Variants in SYNE1 observed in about 807,000 individuals in gnomAD.
The protein encoded by SYNE1 is nesprin-1.
In SYNE1, 616 loss-of-function variants were observed where a neutral mutation model predicts 1,111.0. The observed-to-expected ratio is 0.55, with a 90% CI of 0.52 to 0.59. SYNE1 has a LOEUF of 0.59. SYNE1 is among the 20% of genes least tolerant of loss of function. The pLI, the probability that SYNE1 is intolerant of heterozygous loss-of-function variation, is 0.00. For missense variants in SYNE1, 10,006 were observed against 10,417.0 expected (o/e 0.96, Z 1.72); for synonymous variants, 3,855 against 3,825.8 (o/e 1.01, Z -0.28).
At chr6:152,176,014 ATTTTTTT>A (rs3215782) in intron 130 of SYNE1, among the ~76,000 whole-genome samples, 2 of 142,628 alleles carry the variant, frequency 1.4e-5, no homozygotes, top group Admixed American at 7.0e-5. Context: ...AGATTTAGTA[ATTTTTTT>A]TTTTTTTTTT....
chr6:152,580,912 A>C (rs2099517008), intron 3 of SYNE1, among the ~76,000 whole-genome samples: 2 of 152,206 alleles, frequency 1.3e-5, no homozygotes, highest in Non-Finnish European at 2.9e-5. Context: ...ACACATGTAC[A>C]CTTAGATGTA....
Position 152,511,025 on chromosome 6 carries a change from T to C in SYNE1, c.388A>G (p.Ile130Val). The C allele has an allele frequency of 6.2e-7, 1 of 1,613,920 alleles. No individual in the cohort carries two copies. The highest frequency in any genetic ancestry group is 1.1e-5 in the South Asian group (1 of 91,080). Residue 130 changes from isoleucine (I) to valine (V), a missense_variant, in exon 7 of 146, where the codon ATT becomes GTT. Coordinates refer to ENST00000367255, the MANE Select transcript of SYNE1 (RefSeq NM_182961.4). ...SIVLGLMWTI[I>V]LYFQIEELTS... ...TAGCACAATACCTGGAAATATAGAATAATGGTCCACATCAATCCAAGAACT... is the reference window on the plus strand; with the variant it reads ...TAGCACAATACCTGGAAATATAGAACAATGGTCCACATCAATCCAAGAACT...
rs1014577666 is a variant in SYNE1 at position 152,204,377 on chromosome 6, A to C, written c.23019+1791T>G. On this transcript the variant is annotated intron_variant, in intron 126 of 145. Coordinates refer to ENST00000367255, the MANE Select transcript of SYNE1 (RefSeq NM_182961.4). ...GGAGACTCTATGTCAAAAAAAAAAA[A>C]AAGAAAAAAAAACAAGAAAGAAAGA... 5.4e-5 allele frequency among the ~76,000 whole-genome samples: 8 copies of C among 149,414 alleles called. No homozygotes were observed. The East Asian group carries it at 8.0e-4, about 15-fold the overall frequency.
intron 105 of SYNE1, 60 bp downstream of exon 105, chr6:152,249,101 C>T: frequency 8.9e-7 from 1 of 1,127,452 alleles, no homozygotes; most frequent in Non-Finnish European, 1.4e-6. Context: ...TTCAAAATTT[C>T]ATAGTAAGTC....
At chr6:152,623,138 G>A (rs541426976) in intron 3 of SYNE1, among the ~76,000 whole-genome samples, 1 of 152,080 alleles carries the variant, frequency 6.6e-6, no homozygotes, top group South Asian at 2.1e-4. Flanking sequence ...CATAATACTG[G>A]TACAAAAACA....
chr6:152,326,504 C>A lies in SYNE1; in HGVS notation c.15085G>T (p.Glu5029Ter). ...TCCATGTGGCTTTTGAGATTTTCCT[C>A]TGCGCTCTCCACGTCTAGGCCATTG... ...AGNGLDVESA[E>*]ENLKSHMEFF... The change falls in exon 79 of 146, where the codon GAG (glutamate) becomes TAG (stop). Residue 5029 changes from glutamate (E) to a stop codon, truncating the protein, a stop_gained. Transcript: ENST00000367255. LOFTEE classifies it high-confidence loss of function. 6.2e-7 allele frequency: 1 copy of A among 1,614,216 alleles called. No homozygotes were observed. The highest frequency in any genetic ancestry group is 8.5e-7 in the Non-Finnish European group (1 of 1,180,042).
At chr6:152,509,539 G>A (rs2099074789) in intron 8 of SYNE1, among the ~76,000 whole-genome samples, 2 of 152,082 alleles carry the variant, frequency 1.3e-5, no homozygotes, top group Non-Finnish European at 2.9e-5. Context: ...TTATAGGCAT[G>A]AGTCACTGCG....
chr6:152,223,344 G>A (rs954514636), intron 117 of SYNE1, among the ~76,000 whole-genome samples: 119 of 152,058 alleles, frequency 7.8e-4, no homozygotes, highest in Admixed American at 1.0e-3. Flanking sequence ...AAAGTCGGCC[G>A]GGCATGGTGG....
At chr6:152,601,353 C>T (rs1191289287) in intron 3 of SYNE1, among the ~76,000 whole-genome samples, 1 of 152,162 alleles carries the variant, frequency 6.6e-6, no homozygotes, top group Non-Finnish European at 1.5e-5. Flanking sequence ...AATTGAGGTT[C>T]ACCTAATCCA....
At chr6:152,586,054 G>A (rs2099537538) in intron 3 of SYNE1, among the ~76,000 whole-genome samples, 1 of 151,814 alleles carries the variant, frequency 6.6e-6, no homozygotes, top group East Asian at 1.9e-4. Context: ...TACATATGTG[G>A]GCCTATTTTG....
intron 14 of SYNE1, 79 bp from the exon 15 acceptor site, chr6:152,472,492 A>C (rs1380917646): frequency 7.0e-6 from 9 of 1,287,052 alleles, no homozygotes; most frequent in Non-Finnish European, 1.0e-5. Flanking sequence ...TCCAGCCCGC[A>C]CCGATGAGTC....
In SYNE1 at chr6:152,442,179, C is replaced by T. The variant is rs267600865; in HGVS notation, c.3904G>A (p.Gly1302Arg). The change falls in exon 31 of 146, where the codon GGA (glycine) becomes AGA (arginine). Residue 1302 changes from glycine (G) to arginine (R), a missense_variant. Transcript: ENST00000367255. ...VQQQIAQAQQ[G>R]EGGLPDRGHE... ...CCTCGGTCAGGCAGCCCCCCTTCTC[C>T]CTGCTGCGCCTGCGCGATCTGCTGC... is the stretch of plus-strand genomic sequence containing the variant. 1.9e-6 allele frequency: 3 copies of T among 1,613,670 alleles called. No homozygotes were observed. The highest frequency in any genetic ancestry group is 1.7e-5 in the Admixed American group (1 of 60,010).
chr6:152,281,288 C>T (rs769328402), intron 97 of SYNE1, among the ~76,000 whole-genome samples: 1 of 152,170 alleles, frequency 6.6e-6, no homozygotes, highest in East Asian at 1.9e-4. Context: ...TTACTCCTCA[C>T]AGTAATTCCT....
At chr6:152,435,734 C>T (rs1261113609) in intron 33 of SYNE1, 19 of 624,868 alleles carry the variant, frequency 3.0e-5, no homozygotes, top group Non-Finnish European at 5.3e-5. Context: ...GCAAAACCCA[C>T]ATCCTTTATA....
chr6:152,439,041 T>C (rs917884332), intron 32 of SYNE1, among the ~76,000 whole-genome samples: 4 of 152,206 alleles, frequency 2.6e-5, no homozygotes, highest in Non-Finnish European at 5.9e-5. Context: ...TATAACACGA[T>C]TGATAATGAT....
intron 3 of SYNE1, among the ~76,000 whole-genome samples, chr6:152,606,529 G>A (rs6928666): frequency 0.1 from 15,199 of 152,232 alleles, 871 homozygotes; most frequent in African/African-American, 0.16. Flanking sequence ...GGAATAAAGT[G>A]TCTACTAAAT....
chr6:152,296,216 C>T (rs996054509), intron 93 of SYNE1, among the ~76,000 whole-genome samples: 1 of 152,198 alleles, frequency 6.6e-6, no homozygotes, highest in African/African-American at 2.4e-5. Context: ...ATAGCACTGA[C>T]AAACCCTTTC....
In SYNE1 at chr6:152,416,650, A is replaced by T; in HGVS notation, c.5787T>A (p.Ile1929=). 1 of 1,614,220 alleles carries T rather than the reference A, an allele frequency of 6.2e-7. No individual in the cohort carries two copies. Among genetic ancestry groups the T allele is most frequent in the Non-Finnish European group, 8.5e-7 (1 of 1,180,050 alleles). ...LESAAVSLDG[I]LSKAQYHLKI... ...TCAGATGGTATTGGGCTTTGGAAAG[A>T]ATGCCATCCAGACTGACGGCAGCAG... The change falls in exon 41 of 146, where the codon ATT becomes ATA. Residue 1929 remains isoleucine (I), a synonymous_variant. Transcript: ENST00000367255.
rs1266657588 is a variant in SYNE1, at chr6:152,416,910, G to C, written c.5527C>G (p.Gln1843Glu). 1 of 1,614,064 alleles carries C rather than the reference G, an allele frequency of 6.2e-7. No homozygotes were observed. The highest frequency in any genetic ancestry group is 1.1e-5 in the South Asian group (1 of 91,070). The change falls in exon 41 of 146, where the codon CAG (glutamine) becomes GAG (glutamate). Residue 1843 changes from glutamine to glutamate, a missense_variant. Physicochemically the swap from Gln to Glu is conservative, Grantham distance 29 (BLOSUM62 2). Coordinates refer to ENST00000367255, the MANE Select transcript of SYNE1 (RefSeq NM_182961.4). ...TGGAAGCAGTCCTCAGCCTTTCCCT[G>C]CAGGAGGTGGAGGTCCTCAGCACGG... ...LGRAEDLHLL[Q>E]GKAEDCFQLF...
Sources: allele counts gnomAD v4.1 joint callset (sites outside exome capture counted in the v4.1 genomes callset), GRCh38; gene constraint gnomAD v4.1.1; transcripts MANE v1.5; gene names NCBI Gene and HGNC (gene_info 2026-07-23, HGNC 2026-07-21).